Variants in LIPI observed in about 807,000 individuals in gnomAD.
LIPI encodes lipase I.
A neutral mutation model predicts 50.6 loss-of-function variants in LIPI; 59 were observed. That is an observed-to-expected ratio of 1.16 (90% CI 0.94 to 1.45). The LOEUF (loss-of-function observed/expected upper bound fraction) is 1.45, where lower values mean the gene tolerates loss of function less well. Among genes scored for constraint, LIPI ranks in the 40% most tolerant of loss-of-function variants. The pLI is 0.00. For synonymous variants in LIPI, 203 were observed against 178.2 expected (o/e 1.14, Z -1.11); for missense variants, 586 against 536.3 (o/e 1.09, Z -0.92).
At chr21:14,185,429 T>A (rs1471855931) in intron 3 of LIPI, among the ~76,000 whole-genome samples, 2 of 152,210 alleles carry the variant, frequency 1.3e-5, no homozygotes, top group African/African-American at 4.8e-5. Flanking sequence ...GGAATAGATG[T>A]TTTTCTCCCA....
chr21:14,169,102 A>T (rs993655420), intron 4 of LIPI, among the ~76,000 whole-genome samples: 5 of 152,226 alleles, frequency 3.3e-5, no homozygotes, highest in African/African-American at 1.2e-4. Context: ...AACAAAGATC[A>T]AAAGAGACAA....
At position 14,173,245 on chromosome 21, in the gene LIPI, G is replaced by A. The variant is rs987788352; in HGVS notation, c.644-6794C>T. ...AAGCCAAGTCCTACAGATCCTTTTC[G>A]ATCAGTGTGATGATTTGCTTTCACT... On this transcript the variant is annotated intron_variant, in intron 4 of 9. Coordinates refer to ENST00000681601, the MANE Select transcript of LIPI (RefSeq NM_001302998.2). Among the ~76,000 whole-genome samples, 131 of 152,202 alleles carry A rather than the reference G, an allele frequency of 8.6e-4. 3 individuals are homozygous for A. Among genetic ancestry groups the A allele is most frequent in the Admixed American group, 8.3e-3 (127 of 15,274 alleles).
intron 4 of LIPI, among the ~76,000 whole-genome samples, chr21:14,171,409 T>C (rs1393094101): frequency 4.0e-5 from 6 of 150,814 alleles, no homozygotes; most frequent in South Asian, 2.1e-4. Context: ...CATCGCCAAG[T>C]CAATCCTAAG....
At chr21:14,159,375 T>C (rs1455813009) in intron 7 of LIPI, among the ~76,000 whole-genome samples, 2 of 151,406 alleles carry the variant, frequency 1.3e-5, no homozygotes, top group African/African-American at 2.4e-5. Context: ...TAGTTCAACA[T>C]ATCAACAAAC....
At chr21:14,210,538 T>A (rs75321424) in intron 1 of LIPI, among the ~76,000 whole-genome samples, 2,686 of 152,132 alleles carry the variant, frequency 0.018, 78 homozygotes, top group African/African-American at 0.055. Context: ...TAGTTACATC[T>A]TTTTTTAAAA....
chr21:14,182,088 A>G (rs960274470), intron 3 of LIPI, among the ~76,000 whole-genome samples: 5 of 152,198 alleles, frequency 3.3e-5, no homozygotes, highest in Admixed American at 2.0e-4. Context: ...GCAACAAAAT[A>G]TTGTCGGAAT....
chr21:14,171,633 T>C (rs1420172018), intron 4 of LIPI, among the ~76,000 whole-genome samples: 2 of 150,784 alleles, frequency 1.3e-5, no homozygotes, highest in Non-Finnish European at 3.0e-5. Flanking sequence ...CCCTATTTAA[T>C]AAATGGTGCT....
At chr21:14,122,404 G>T (rs2016897910) in intron 9 of LIPI, among the ~76,000 whole-genome samples, 1 of 152,138 alleles carries the variant, frequency 6.6e-6, no homozygotes, top group African/African-American at 2.4e-5. Flanking sequence ...ACCCACATAT[G>T]CCAATCCTAA....
chr21:14,198,379 C>T (rs1466842274), intron 1 of LIPI, among the ~76,000 whole-genome samples: 3 of 152,086 alleles, frequency 2.0e-5, no homozygotes, highest in Non-Finnish European at 1.5e-5. Flanking sequence ...AGACCCATCT[C>T]ACATGCAATG....
chr21:14,163,308 G>C, intron 7 of LIPI, 111 bp downstream of exon 7: 1 of 629,812 alleles, frequency 1.6e-6, no homozygotes, highest in African/African-American at 1.9e-5. Context: ...AAATTTGCCT[G>C]AAAGAACATG....
intron 8 of LIPI, 119 bp downstream of exon 8, chr21:14,152,454 C>T (rs1029310934): frequency 1.6e-5 from 10 of 612,380 alleles, no homozygotes; most frequent in Non-Finnish European, 2.9e-5. Context: ...TAATATTTAA[C>T]ATTTTAAGAC....
chr21:14,166,445 C>T lies in LIPI; in HGVS notation c.650G>A (p.Gly217Asp), dbSNP rs1446585737. ...DVIHSDSNGL[G>D]IQEPLGHIDF... Reference sequence around the variant, plus strand: ...TATATGTCCCAAGGGCTCTTGAATGCCTAAACCTGAGAAGAAAGGCACCCA... The same window carrying T: ...TATATGTCCCAAGGGCTCTTGAATGTCTAAACCTGAGAAGAAAGGCACCCA... Residue 217 changes from glycine (G) to aspartate (D), a missense_variant, in exon 5 of 10, where the codon GGC becomes GAC. Transcript: ENST00000681601. 1.3e-6 allele frequency: 2 copies of T among 1,595,592 alleles called. No individual in the cohort carries two copies. Among genetic ancestry groups the T allele is most frequent in the South Asian group, 1.1e-5 (1 of 90,724 alleles).
chr21:14,129,779 T>C (rs958590080), intron 9 of LIPI, among the ~76,000 whole-genome samples: 1 of 150,002 alleles, frequency 6.7e-6, no homozygotes, highest in Non-Finnish European at 1.5e-5. Flanking sequence ...AATCTATTTG[T>C]TCAATAATGA....
At chr21:14,153,756 G>A (rs986583290) in intron 7 of LIPI, among the ~76,000 whole-genome samples, 2 of 152,184 alleles carry the variant, frequency 1.3e-5, no homozygotes, top group African/African-American at 2.4e-5. Context: ...CTGAAATGGA[G>A]GTCCCTGCAC....
Position 14,122,475 on chromosome 21 carries a change from A to T in LIPI, c.1296-13395T>A, listed in dbSNP as rs1052100654. Among the ~76,000 whole-genome samples the T allele has an allele frequency of 2.0e-4, 30 of 152,234 alleles. 1 individual carries two copies. The highest frequency in any genetic ancestry group is 6.3e-4 in the African/African-American group (26 of 41,460). On this transcript the variant is annotated intron_variant, in intron 9 of 9. Transcript: ENST00000681601. ...GGGTATTACCTTATTCACATAAAGA[A>T]TCAGTTTCTATATATTTTGATGCCT... is the stretch of plus-strand genomic sequence containing the variant.
intron 1 of LIPI, among the ~76,000 whole-genome samples, chr21:14,190,556 T>C (rs2019635719): frequency 6.6e-6 from 1 of 152,184 alleles, no homozygotes; most frequent in Admixed American, 6.5e-5. Flanking sequence ...AATATGCATT[T>C]CTTACAATAA....
At chr21:14,165,737 T>G (rs2018660393) in intron 5 of LIPI, among the ~76,000 whole-genome samples, 1 of 152,206 alleles carries the variant, frequency 6.6e-6, no homozygotes, top group South Asian at 2.1e-4. Flanking sequence ...TTCCACCTAA[T>G]GACAAAGATG....
chr21:14,163,626 A>G, intron 6 of LIPI, 103 bp from the exon 7 acceptor site: 1 of 692,886 alleles, frequency 1.4e-6, no homozygotes, highest in Non-Finnish European at 2.7e-6. Flanking sequence ...AATCATCATA[A>G]TGATCATCAT....
intron 9 of LIPI, among the ~76,000 whole-genome samples, chr21:14,123,309 A>T (rs943135013): frequency 6.6e-6 from 1 of 152,216 alleles, no homozygotes; most frequent in Admixed American, 6.5e-5. Flanking sequence ...TCTGTATCAG[A>T]TTTTAACCCT....
Sources: gnomAD v4.1 joint callset for allele counts (sites outside exome capture counted in the v4.1 genomes callset) on GRCh38, gnomAD v4.1.1 for gene constraint, MANE v1.5 for transcripts, NCBI Gene and HGNC (gene_info 2026-07-23, HGNC 2026-07-21) for gene names.